Variants in CPNE3 observed in about 807,000 individuals in gnomAD.
CPNE3 encodes the protein copine 3.
A neutral mutation model predicts 63.9 loss-of-function variants in CPNE3; 68 were observed. That is an observed-to-expected ratio of 1.06 (90% confidence interval 0.87 to 1.30). The LOEUF (loss-of-function observed/expected upper bound fraction) is 1.30. Ranked by LOEUF, CPNE3 falls within the 50% of genes most tolerant of loss-of-function variation. CPNE3 has a pLI of 0.00. For missense variants in CPNE3, 665 were observed against 578.1 expected (o/e 1.15, Z -1.54); for synonymous variants, 219 against 197.5 (o/e 1.11, Z -0.91).
intron 2 of CPNE3, among the ~76,000 whole-genome samples, chr8:86,519,707 A>G (rs1008905425): frequency 1.3e-5 from 2 of 151,990 alleles, no homozygotes; most frequent in African/African-American, 4.8e-5. Flanking sequence ...TTTTTTTCAG[A>G]TATAGCTTTT....
At chr8:86,551,673 A>G (rs1202731426) in intron 14 of CPNE3, among the ~76,000 whole-genome samples, 2 of 152,220 alleles carry the variant, frequency 1.3e-5, no homozygotes, top group Non-Finnish European at 2.9e-5. Flanking sequence ...TACGAAGAGA[A>G]AAGTATCCAG....
rs1409979980 is a variant in CPNE3 at position 86,525,365 on chromosome 8, A to G, written c.-10-3171A>G. Among the ~76,000 whole-genome samples, 12 of 152,254 alleles carry G rather than the reference A, an allele frequency of 7.9e-5. 1 individual carries two copies. Among genetic ancestry groups the G allele is most frequent in the Admixed American group, 7.8e-4 (12 of 15,292 alleles). Reference sequence around the variant, plus strand: ...TCATGTACTGGATAATTACATTAAAAGGAAATGAAAACAGTATCTTCATGA... The same window carrying G: ...TCATGTACTGGATAATTACATTAAAGGGAAATGAAAACAGTATCTTCATGA... On this transcript the variant is annotated intron_variant, in intron 2 of 16. Transcript: ENST00000517490.
Position 86,556,094 on chromosome 8 carries a change from T to G in CPNE3, c.1255-8T>G, listed in dbSNP as rs1821318414. ...TTGCTCAGGGGACATGTTTTCTTTT[T>G]CTGGCAGCAATATTTTGTGCTTTTG... On this transcript the variant is annotated splice_polypyrimidine_tract_variant and splice_region_variant and intron_variant, in intron 15 of 16. Transcript: ENST00000517490. 1 of 872,274 alleles carries G rather than the reference T, an allele frequency of 1.1e-6. No homozygotes were observed. The highest frequency in any genetic ancestry group is 1.6e-5 in the African/African-American group (1 of 61,330). The allele number at this position is 872,274 out of a possible 1,614,324, so 54.0% of individuals were successfully genotyped here. A position where few individuals can be genotyped will look rare whatever the true frequency, so the allele number is the denominator to read the frequency against.
intron 12 of CPNE3, among the ~76,000 whole-genome samples, chr8:86,548,997 T>C (rs1821115486): frequency 6.6e-6 from 1 of 152,228 alleles, no homozygotes; most frequent in Non-Finnish European, 1.5e-5. Context: ...TGAAATATTC[T>C]GAATGGTTAT....
intron 4 of CPNE3, 103 bp from the exon 5 acceptor site, chr8:86,531,052 C>A: frequency 1.5e-6 from 1 of 677,988 alleles, no homozygotes; most frequent in South Asian, 1.7e-5. Context: ...TTTCTAATGA[C>A]TTTAAGTGAA....
chr8:86,516,270 G>T (rs1458634984), intron 2 of CPNE3, among the ~76,000 whole-genome samples: 1 of 152,148 alleles, frequency 6.6e-6, no homozygotes, highest in African/African-American at 2.4e-5. Context: ...GAATAGGAAG[G>T]GAGAGGAGGC....
rs73688868 is a variant in CPNE3, at chr8:86,522,543, C to T, written c.-10-5993C>T. On this transcript the variant is annotated intron_variant, in intron 2 of 16. Transcript: ENST00000517490. ...ATTTACAGCCATATTACCTGACGCC[C>T]GCTGCTTTTTTTTTTTTTTTTTTTT... Among the ~76,000 whole-genome samples the T allele has an allele frequency of 1.6e-3, 190 of 121,278 alleles. 1 individual carries two copies. Among genetic ancestry groups the T allele is most frequent in the African/African-American group, 4.2e-3 (149 of 35,400 alleles). The allele number at this position is 121,278 out of a possible 152,430, so 79.6% of individuals were successfully genotyped here.
chr8:86,533,491 T>G lies in CPNE3; in HGVS notation c.459+911T>G, dbSNP rs181208351. 9.9e-5 allele frequency among the ~76,000 whole-genome samples: 15 copies of G among 152,148 alleles called. No individual in the cohort carries two copies. The East Asian group carries it at 2.9e-3, about 29-fold the overall frequency. On this transcript the variant is annotated intron_variant, in intron 6 of 16. Coordinates refer to ENST00000517490, the MANE Select transcript of CPNE3 (RefSeq NM_003909.5). ...AACTACAGTGAGCAGTGATCATGCATTCTCACCTGTGTAATGGAACAAGAC... is the reference window on the plus strand; with the variant it reads ...AACTACAGTGAGCAGTGATCATGCAGTCTCACCTGTGTAATGGAACAAGAC...
At chr8:86,534,904 G>C (rs1015954586) in intron 6 of CPNE3, among the ~76,000 whole-genome samples, 1 of 152,108 alleles carries the variant, frequency 6.6e-6, no homozygotes, top group Non-Finnish European at 1.5e-5. Flanking sequence ...TTATGTTTGT[G>C]TGTTTTGTTC....
At chr8:86,547,830 C>T in intron 11 of CPNE3, 60 bp downstream of exon 11, 2 of 816,664 alleles carry the variant, frequency 2.4e-6, no homozygotes, top group East Asian at 5.1e-5. Context: ...AGTATATTTT[C>T]TTTCACTGCA....
intron 6 of CPNE3, among the ~76,000 whole-genome samples, chr8:86,536,353 G>C (rs954159195): frequency 9.4e-5 from 14 of 148,894 alleles, no homozygotes; most frequent in Non-Finnish European, 2.1e-4. Flanking sequence ...ATATCCTGGA[G>C]ATCAGAGCCA....
intron 2 of CPNE3, among the ~76,000 whole-genome samples, chr8:86,518,228 G>A (rs1443955462): frequency 1.3e-5 from 2 of 152,216 alleles, no homozygotes; most frequent in Non-Finnish European, 2.9e-5. Flanking sequence ...TGGAAAGCAT[G>A]CATTTAGAGT....
chr8:86,528,403 C>A, intron 2 of CPNE3, 133 bp from the exon 3 acceptor site: 1 of 854,988 alleles, frequency 1.2e-6, no homozygotes, highest in South Asian at 1.6e-5. Flanking sequence ...ATATAACAGT[C>A]TGATTCTGGC....
chr8:86,518,242 G>A (rs72690441), intron 2 of CPNE3, among the ~76,000 whole-genome samples: 8,257 of 152,228 alleles, frequency 0.054, 314 homozygotes, highest in Non-Finnish European at 0.087. Context: ...TTAGAGTCGG[G>A]GCATGGTGGA....
At chr8:86,531,283 G>A (rs1297076260) in intron 5 of CPNE3, 54 bp downstream of exon 5, 2 of 833,662 alleles carry the variant, frequency 2.4e-6, no homozygotes, top group Admixed American at 3.5e-5. Flanking sequence ...AACAGGACAT[G>A]CCGAAACTGT....
At chr8:86,555,773 C>T (rs995229265) in intron 15 of CPNE3, among the ~76,000 whole-genome samples, 6 of 152,116 alleles carry the variant, frequency 3.9e-5, no homozygotes, top group Non-Finnish European at 7.4e-5. Flanking sequence ...CACTTGCCTC[C>T]TTGATAGATA....
chr8:86,544,580 A>G (rs1004100941), intron 8 of CPNE3, among the ~76,000 whole-genome samples, 160 bp from the exon 9 acceptor site: 1 of 152,218 alleles, frequency 6.6e-6, no homozygotes, highest in African/African-American at 2.4e-5. Context: ...TTGCTTCTCT[A>G]GGATGTTAAT....
rs1329431988 is a variant in CPNE3 at position 86,546,468 on chromosome 8, A to AT, written c.733-123dup. 8 of 859,850 alleles carry AT rather than the reference A, an allele frequency of 9.3e-6. No homozygotes were observed. In the Admixed American group the frequency reaches 1.9e-4, roughly 20 times the overall value. 53.3% of individuals were successfully genotyped at this position (859,850 alleles called of 1,614,324 possible). On this transcript the variant is annotated intron_variant, in intron 9 of 16. Transcript: ENST00000517490. The stretch of plus-strand genomic sequence containing the variant: ...TATTATGTAATTGTTTCAGAGTTAT[A>AT]TTTTGCAACAGACCTACATCAGTAG...
chr8:86,516,336 G>A (rs988624931), intron 2 of CPNE3, among the ~76,000 whole-genome samples: 4 of 152,264 alleles, frequency 2.6e-5, no homozygotes, highest in African/African-American at 9.6e-5. Context: ...ATAATGACTG[G>A]ACACCTCTTC....
Sources: gnomAD v4.1 joint callset for allele counts (sites outside exome capture counted in the v4.1 genomes callset) on GRCh38, gnomAD v4.1.1 for gene constraint, MANE v1.5 for transcripts, NCBI Gene and HGNC (gene_info 2026-07-23, HGNC 2026-07-21) for gene names.